The following PLEKHA8 variants were observed in gnomAD, a reference collection of about 807,000 sequenced individuals.
The protein encoded by PLEKHA8 is pleckstrin homology domain containing A8, also known as pleckstrin homology domain-containing family A member 8.
A neutral mutation model predicts 68.2 loss-of-function variants in PLEKHA8; 36 were observed. That is an observed-to-expected ratio of 0.53 (90% CI 0.40 to 0.70). The LOEUF (loss-of-function observed/expected upper bound fraction) is 0.70, where lower values mean the gene tolerates loss of function less well. PLEKHA8 is among the 30% of genes least tolerant of loss of function. PLEKHA8 has a pLI of 0.00. For synonymous variants in PLEKHA8, 211 were observed against 216.1 expected, an observed-to-expected ratio of 0.98 and a Z score of 0.20; for missense variants, 505 against 615.4, an observed-to-expected ratio of 0.82 and a Z score of 1.90.
chr7:30,108,078 A>AAAAAAAAAAAAAC (rs1562553393), intron 13 of PLEKHA8, among the ~76,000 whole-genome samples: 2 of 151,060 alleles, frequency 1.3e-5, no homozygotes, highest in African/African-American at 4.9e-5. Flanking sequence ...AAAAAAAAAA[A>AAAAAAAAAAAAAC]AAAAAAAAAA....
intron 12 of PLEKHA8, among the ~76,000 whole-genome samples, chr7:30,069,338 G>A (rs775038601): frequency 6.6e-6 from 1 of 152,146 alleles, no homozygotes; most frequent in Non-Finnish European, 1.5e-5. Flanking sequence ...GCCCTTTCTG[G>A]CTTTGGTTCT....
chr7:30,100,070 A>G (rs1795792870), intron 13 of PLEKHA8, among the ~76,000 whole-genome samples: 1 of 151,830 alleles, frequency 6.6e-6, no homozygotes, highest in Non-Finnish European at 1.5e-5. Context: ...CATCACTCCA[A>G]TCTCTGCCTC....
chr7:30,073,143 A>C (rs1562531451), intron 12 of PLEKHA8, among the ~76,000 whole-genome samples: 1 of 152,360 alleles, frequency 6.6e-6, no homozygotes, highest in East Asian at 1.9e-4. Context: ...TATAGATTAA[A>C]GTATGAAACA....
Position 30,052,876 on chromosome 7 carries a change from A to G in PLEKHA8, c.796+10A>G. The G allele has an allele frequency of 6.4e-7, 1 of 1,564,262 alleles. No individual in the cohort carries two copies. The highest frequency in any genetic ancestry group is 1.7e-4 in the Middle Eastern group (1 of 5,938). Reference sequence around the variant, plus strand: ...GATGATAATATAACAGGTAAAAACAAAAGTAAAGTCTGAAACAAACCAATT... The same window carrying G: ...GATGATAATATAACAGGTAAAAACAGAAGTAAAGTCTGAAACAAACCAATT... On this transcript the variant is annotated intron_variant, in intron 7 of 13. Coordinates refer to ENST00000449726, the MANE Select transcript of PLEKHA8 (RefSeq NM_001197026.2).
chr7:30,104,601 T>A (rs1376178694), intron 13 of PLEKHA8, among the ~76,000 whole-genome samples: 2 of 152,158 alleles, frequency 1.3e-5, no homozygotes. Flanking sequence ...AGTGTCTTAT[T>A]CCATTTATAT....
chr7:30,100,930 C>T (rs1344682254), intron 13 of PLEKHA8, among the ~76,000 whole-genome samples: 1 of 152,134 alleles, frequency 6.6e-6, no homozygotes, highest in Non-Finnish European at 1.5e-5. Context: ...TGGCTCATGC[C>T]TGTAATCCAA....
downstream of PLEKHA8, among the ~76,000 whole-genome samples, chr7:30,092,940 A>C (rs771231901): frequency 4.6e-5 from 7 of 152,212 alleles, no homozygotes; most frequent in Non-Finnish European, 7.3e-5. Context: ...GTAAGTCAGT[A>C]AGTCCCACTT....
chr7:30,065,508 A>G (rs1793780267), intron 12 of PLEKHA8, among the ~76,000 whole-genome samples: 1 of 150,142 alleles, frequency 6.7e-6, no homozygotes, highest in African/African-American at 2.4e-5. Flanking sequence ...CAGAACCTGT[A>G]GGCTCCTTGA....
chr7:30,095,959 G>A (rs1278294504), intron 13 of PLEKHA8, among the ~76,000 whole-genome samples: 1 of 152,182 alleles, frequency 6.6e-6, no homozygotes, highest in African/African-American at 2.4e-5. Flanking sequence ...CAGGTAGCGT[G>A]ATGCCTCCAG....
Position 30,082,344 on chromosome 7 carries a change from C to T in PLEKHA8, c.*3557C>T, listed in dbSNP as rs1054257471. On this transcript the variant is annotated 3_prime_UTR_variant, in exon 14 of 14. Coordinates refer to ENST00000449726, the MANE Select transcript of PLEKHA8 (RefSeq NM_001197026.2). ...TCTACCCCCACTTATGTTTGTTCTG[C>T]CCCATTTCCCAGGAGCAGCTTCTAG... The T allele has an allele frequency of 4.1e-6, 4 of 985,300 alleles. No individual in the cohort carries two copies. Among genetic ancestry groups the T allele is most frequent in the East Asian group, 1.1e-4 (1 of 8,820 alleles). The allele number at this position is 985,300 out of a possible 1,614,324, so 61.0% of individuals were successfully genotyped here.
chr7:30,067,794 G>A (rs1049979421), intron 12 of PLEKHA8, among the ~76,000 whole-genome samples: 53 of 152,336 alleles, frequency 3.5e-4, no homozygotes, highest in African/African-American at 1.3e-3. Flanking sequence ...GAAGTGGCTT[G>A]TAGTCCTGGC....
chr7:30,097,715 G>C (rs1317863914), intron 13 of PLEKHA8, among the ~76,000 whole-genome samples: 3 of 152,124 alleles, frequency 2.0e-5, no homozygotes, highest in Non-Finnish European at 4.4e-5. Context: ...GATTATTCTA[G>C]TTAGCCGTTT....
chr7:30,028,776 T>C lies in PLEKHA8; in HGVS notation c.14T>C (p.Leu5Pro). The C allele has an allele frequency of 7.9e-7, 1 of 1,270,930 alleles. No individual in the cohort carries two copies. Among genetic ancestry groups the C allele is most frequent in the Non-Finnish European group, 1.0e-6 (1 of 1,002,324 alleles). 78.7% of individuals were successfully genotyped at this position (1,270,930 alleles called of 1,614,324 possible). A position where few individuals can be genotyped will look rare whatever the true frequency, so the allele number is the denominator to read the frequency against. Residue 5 changes from leucine to proline, a missense_variant, in exon 1 of 14, where the codon CTG becomes CCG. By Grantham distance (98) the Leu-to-Pro change is moderately conservative. Coordinates refer to ENST00000449726, the MANE Select transcript of PLEKHA8 (RefSeq NM_001197026.2). MEGVLYKWTNYLSGW... is the reference protein window; with the variant it reads MEGVPYKWTNYLSGW... Reference sequence around the variant, plus strand: ...GCCGCGGGCGCCATGGAGGGGGTGCTGTACAAGTGGACCAACTATCTGAGC... The same window carrying C: ...GCCGCGGGCGCCATGGAGGGGGTGCCGTACAAGTGGACCAACTATCTGAGC...
chr7:30,050,431 A>C lies in PLEKHA8; in HGVS notation c.598-3A>C. The C allele has an allele frequency of 3.8e-6, 6 of 1,578,090 alleles. No individual in the cohort carries two copies. The highest frequency in any genetic ancestry group is 5.2e-6 in the Non-Finnish European group (6 of 1,164,332). On this transcript the variant is annotated splice_polypyrimidine_tract_variant and splice_region_variant and intron_variant, in intron 5 of 13. Transcript: ENST00000449726. ...AACTTTCCTTTCTTTGCTTCTTTTA[A>C]AGATGAAACATCCTATTATACCAAT...
intron 6 of PLEKHA8, among the ~76,000 whole-genome samples, chr7:30,050,962 G>C (rs527955144): frequency 6.6e-6 from 1 of 152,254 alleles, no homozygotes; most frequent in East Asian, 1.9e-4. Context: ...ACCCATGAAA[G>C]TGGGCTAAAT....
At chr7:30,037,868 A>G (rs62446676) in intron 1 of PLEKHA8, among the ~76,000 whole-genome samples, 22,086 of 151,880 alleles carry the variant, frequency 0.15, 1,643 homozygotes, top group Middle Eastern at 0.19. Context: ...TGCCATGGTC[A>G]TTTGCTGTAC....
chr7:30,050,295 T>G, intron 5 of PLEKHA8, 139 bp from the exon 6 acceptor site: 1 of 1,112,168 alleles, frequency 9.0e-7, no homozygotes, highest in Non-Finnish European at 1.2e-6. Context: ...TGGGAAGACC[T>G]AAAATTGTTT....
chr7:30,101,753 G>A (rs746925861), intron 13 of PLEKHA8, among the ~76,000 whole-genome samples: 3 of 152,086 alleles, frequency 2.0e-5, no homozygotes, highest in Non-Finnish European at 4.4e-5. Context: ...AACATTCTGC[G>A]ACAAGTTAGA....
At chr7:30,064,412 G>A (rs1390289024) in intron 12 of PLEKHA8, among the ~76,000 whole-genome samples, 1 of 152,096 alleles carries the variant, frequency 6.6e-6, no homozygotes, top group Non-Finnish European at 1.5e-5. Context: ...GTATGGTGTT[G>A]CGTGCCTGTA....
Sources: allele counts gnomAD v4.1 joint callset (sites outside exome capture counted in the v4.1 genomes callset), GRCh38; gene constraint gnomAD v4.1.1; transcripts MANE v1.5; gene names NCBI Gene and HGNC (gene_info 2026-07-23, HGNC 2026-07-21).